Variants in CNNM4 observed in about 807,000 individuals in gnomAD.
The protein encoded by CNNM4 is metal transporter CNNM4.
Under a neutral mutation model 53.7 loss-of-function variants are expected in CNNM4, and 32 were observed. The observed-to-expected ratio is 0.60, with a 90% CI of 0.45 to 0.80. CNNM4 has a LOEUF of 0.80. Ranked by LOEUF, CNNM4 falls within the 30% of genes least tolerant of loss-of-function variation. The probability of loss-of-function intolerance (pLI) is 0.00; values close to 1 mark genes in which losing one functional copy is unlikely to be tolerated. For missense variants in CNNM4, 784 were observed against 1,022.0 expected (o/e 0.77, Z 3.17); for synonymous variants, 410 against 440.0 (o/e 0.93, Z 0.85).
intron 1 of CNNM4, among the ~76,000 whole-genome samples, chr2:96,775,617 G>A (rs890454574): frequency 6.6e-6 from 1 of 152,198 alleles, no homozygotes; most frequent in Non-Finnish European, 1.5e-5. Context: ...CAAAGTGCTT[G>A]TATCAGTGTT....
At chr2:96,806,542 C>CGCGT (rs2079210262) in intron 5 of CNNM4, among the ~76,000 whole-genome samples, 1 of 144,524 alleles carries the variant, frequency 6.9e-6, no homozygotes, top group Non-Finnish European at 1.5e-5. Flanking sequence ...CACACGCGCG[C>CGCGT]GCGCGCGCGC....
At chr2:96,784,634 G>A (rs1416626455) in intron 1 of CNNM4, among the ~76,000 whole-genome samples, 2 of 152,214 alleles carry the variant, frequency 1.3e-5, no homozygotes, top group East Asian at 1.9e-4. Context: ...CTATGGGCTT[G>A]TATTAAAGGA....
At chr2:96,769,996 G>A (rs2153344700) in intron 1 of CNNM4, among the ~76,000 whole-genome samples, 1 of 152,350 alleles carries the variant, frequency 6.6e-6, no homozygotes, top group East Asian at 1.9e-4. Context: ...CTTTAGTGCA[G>A]TGCTGTGGGA....
intron 4 of CNNM4, 90 bp downstream of exon 4, chr2:96,799,316 A>C: frequency 2.0e-6 from 3 of 1,530,740 alleles, no homozygotes; most frequent in Non-Finnish European, 1.8e-6. Flanking sequence ...GCGGAGGTGC[A>C]TGGCTTCCCT....
At chr2:96,807,235 T>C (rs1000487012) in intron 5 of CNNM4, among the ~76,000 whole-genome samples, 16 of 152,120 alleles carry the variant, frequency 1.1e-4, no homozygotes, top group African/African-American at 3.9e-4. Flanking sequence ...GGTCTTGAAC[T>C]CCGGCTCAAG....
chr2:96,811,836 T>A lies in CNNM4; in HGVS notation c.*2319T>A, dbSNP rs531306354. Reference sequence around the variant, plus strand: ...ATATTTGCTAAACGATATATGGAATTTATTTTTGATTGGTAATAAAAAATC... The same window carrying A: ...ATATTTGCTAAACGATATATGGAATATATTTTTGATTGGTAATAAAAAATC... On this transcript the variant is annotated 3_prime_UTR_variant, in exon 7 of 7. Coordinates refer to ENST00000377075, the MANE Select transcript of CNNM4 (RefSeq NM_020184.4). The A allele has an allele frequency of 1.3e-5, 2 of 152,784 alleles. No individual in the cohort carries two copies. Among genetic ancestry groups the A allele is most frequent in the East Asian group, 3.9e-4 (2 of 5,194 alleles). 9.5% of individuals were successfully genotyped at this position (152,784 alleles called of 1,614,324 possible). A position where few individuals can be genotyped will look rare whatever the true frequency, so the allele number is the denominator to read the frequency against.
chr2:96,806,533 A>ACGCGCGCG (rs745997640), intron 5 of CNNM4, among the ~76,000 whole-genome samples: 13 of 138,600 alleles, frequency 9.4e-5, no homozygotes, highest in East Asian at 4.3e-4. Flanking sequence ...ACACACACAC[A>ACGCGCGCG]CACGCGCGCG....
chr2:96,769,669 C>G (rs986396441), intron 1 of CNNM4, among the ~76,000 whole-genome samples: 1 of 151,982 alleles, frequency 6.6e-6, no homozygotes, highest in Non-Finnish European at 1.5e-5. Flanking sequence ...CGAAGAGAAC[C>G]AAGGGGGCAC....
chr2:96,768,643 T>C (rs1222178116), intron 1 of CNNM4, among the ~76,000 whole-genome samples: 1 of 152,120 alleles, frequency 6.6e-6, no homozygotes. Context: ...AGAGACAGTT[T>C]AGTGAGGGCA....
intron 1 of CNNM4, among the ~76,000 whole-genome samples, chr2:96,766,095 C>CT (rs2078816804): frequency 9.4e-6 from 1 of 105,990 alleles, no homozygotes; most frequent in Non-Finnish European, 1.9e-5. Context: ...TTTTTTTTTT[C>CT]TTTTCTTTTT....
At chr2:96,784,692 C>T (rs2079001889) in intron 1 of CNNM4, among the ~76,000 whole-genome samples, 2 of 152,182 alleles carry the variant, frequency 1.3e-5, no homozygotes, top group African/African-American at 4.8e-5. Context: ...CCAGCCTGAT[C>T]ACCCCTTGGG....
chr2:96,806,535 A>ACACACGCGCGCGCG (rs374638753), intron 5 of CNNM4, among the ~76,000 whole-genome samples: 1 of 123,944 alleles, frequency 8.1e-6, no homozygotes, highest in East Asian at 2.3e-4. Flanking sequence ...ACACACACAC[A>ACACACGCGCGCGCG]CGCGCGCGCG....
chr2:96,795,491 C>G (rs534694075), intron 1 of CNNM4, among the ~76,000 whole-genome samples: 5 of 152,234 alleles, frequency 3.3e-5, no homozygotes, highest in East Asian at 1.9e-4. Context: ...TGCAGTACCC[C>G]CCCCCCCATC....
At chr2:96,804,322 C>T (rs908074145) in intron 5 of CNNM4, among the ~76,000 whole-genome samples, 5 of 151,514 alleles carry the variant, frequency 3.3e-5, no homozygotes, top group African/African-American at 9.7e-5. Flanking sequence ...CTCCACTTCC[C>T]GGGTTCAAGT....
intron 1 of CNNM4, among the ~76,000 whole-genome samples, chr2:96,770,529 C>T (rs560833725): frequency 6.6e-6 from 1 of 152,200 alleles, no homozygotes; most frequent in Non-Finnish European, 1.5e-5. Flanking sequence ...TTGGACAAGA[C>T]CCGAAGGCTG....
intron 1 of CNNM4, among the ~76,000 whole-genome samples, chr2:96,768,740 T>C (rs1429145467): frequency 6.6e-5 from 10 of 152,198 alleles, no homozygotes; most frequent in Admixed American, 5.2e-4. Flanking sequence ...CTGGAGCTTC[T>C]CACACTCGAC....
chr2:96,809,166 G>T (rs538407064), intron 6 of CNNM4, 154 bp from the exon 7 acceptor site: 3 of 1,497,946 alleles, frequency 2.0e-6, no homozygotes, highest in African/African-American at 1.4e-5. Context: ...TCTCTTGTTC[G>T]TGCACCTTGT....
chr2:96,804,060 G>C (rs1054100056), intron 5 of CNNM4, among the ~76,000 whole-genome samples: 1 of 151,116 alleles, frequency 6.6e-6, no homozygotes, highest in Admixed American at 6.6e-5. Context: ...CACCATGCTG[G>C]GCAATTTTTT....
chr2:96,799,690 T>C, intron 5 of CNNM4, 42 bp downstream of exon 5: 2 of 1,440,404 alleles, frequency 1.4e-6, no homozygotes, highest in South Asian at 1.2e-5. Context: ...TTGGCCCCCC[T>C]GCAGCTGGGG....
Sources: allele counts gnomAD v4.1 joint callset (sites outside exome capture counted in the v4.1 genomes callset), GRCh38; gene constraint gnomAD v4.1.1; transcripts MANE v1.5; gene names NCBI Gene and HGNC (gene_info 2026-07-23, HGNC 2026-07-21).